AKAP6: variants seen among roughly 807,000 people sequenced by gnomAD.
AKAP6 encodes the protein A-kinase anchoring protein 6.
A neutral mutation model predicts 188.5 loss-of-function variants in AKAP6; 58 were observed. That is an observed-to-expected ratio of 0.31 (90% CI 0.25 to 0.38). The LOEUF (loss-of-function observed/expected upper bound fraction) is 0.38, where lower values mean the gene tolerates loss of function less well. Ranked by LOEUF, AKAP6 falls within the 10% of genes least tolerant of loss-of-function variation. The pLI is 1.00. For missense variants in AKAP6, 2,710 were observed against 2,740.0 expected (o/e 0.99, Z 0.24); for synonymous variants, 989 against 998.6 (o/e 0.99, Z 0.18).
chr14:32,786,532 G>A (rs2033428053), intron 12 of AKAP6, among the ~76,000 whole-genome samples: 1 of 151,500 alleles, frequency 6.6e-6, no homozygotes, highest in South Asian at 2.1e-4. Context: ...TACCGTGTTA[G>A]CCAGGATGGT....
chr14:32,573,337 T>C (rs1208092786), intron 4 of AKAP6, among the ~76,000 whole-genome samples: 1 of 152,174 alleles, frequency 6.6e-6, no homozygotes, highest in African/African-American at 2.4e-5. Flanking sequence ...AATCTGATTT[T>C]TATAGTCCTC....
At chr14:32,811,945 C>T (rs562084531) in intron 12 of AKAP6, among the ~76,000 whole-genome samples, 1 of 152,326 alleles carries the variant, frequency 6.6e-6, no homozygotes, top group South Asian at 2.1e-4. Context: ...GTTTACATGA[C>T]TATTCACCTT....
intron 4 of AKAP6, among the ~76,000 whole-genome samples, chr14:32,563,664 G>A (rs1026773784): frequency 6.6e-6 from 1 of 152,066 alleles, no homozygotes; most frequent in Non-Finnish European, 1.5e-5. Flanking sequence ...TTCGCCCTTC[G>A]TGGGACCTGT....
chr14:32,785,676 A>C (rs1307704494), intron 12 of AKAP6, among the ~76,000 whole-genome samples: 1 of 151,698 alleles, frequency 6.6e-6, no homozygotes, highest in Non-Finnish European at 1.5e-5. Flanking sequence ...TGGAAGTAGT[A>C]TGGGATTTTG....
At chr14:32,650,907 T>C (rs1356835828) in intron 7 of AKAP6, among the ~76,000 whole-genome samples, 1 of 152,214 alleles carries the variant, frequency 6.6e-6, no homozygotes, top group African/African-American at 2.4e-5. Context: ...ATGTAGATTT[T>C]TATAAATGTC....
chr14:32,402,565 G>A (rs576166628), intron 1 of AKAP6, among the ~76,000 whole-genome samples: 3 of 152,050 alleles, frequency 2.0e-5, no homozygotes, highest in Admixed American at 1.3e-4. Context: ...TCTTTTGAGT[G>A]CCTGGAGAAC....
intron 5 of AKAP6, among the ~76,000 whole-genome samples, chr14:32,598,476 G>A (rs1885794269): frequency 6.6e-6 from 1 of 152,062 alleles, no homozygotes; most frequent in Non-Finnish European, 1.5e-5. Context: ...TATTTAAATG[G>A]AAACCTTCCC....
chr14:32,526,139 A>T (rs1882112388), intron 2 of AKAP6, among the ~76,000 whole-genome samples: 1 of 152,068 alleles, frequency 6.6e-6, no homozygotes, highest in South Asian at 2.1e-4. Flanking sequence ...ATCATGGCTC[A>T]CTGTAGCCTT....
intron 5 of AKAP6, among the ~76,000 whole-genome samples, chr14:32,581,926 G>T (rs1441671545): frequency 6.6e-6 from 1 of 152,252 alleles, no homozygotes; most frequent in East Asian, 1.9e-4. Context: ...ACAGCACACG[G>T]ATGGGTCTTG....
At chr14:32,804,404 C>A (rs535533006) in intron 12 of AKAP6, among the ~76,000 whole-genome samples, 1 of 152,082 alleles carries the variant, frequency 6.6e-6, no homozygotes, top group South Asian at 2.1e-4. Context: ...GGTAGGACCA[C>A]GAAGCCCGCC....
At chr14:32,563,976 C>T (rs928880155) in intron 4 of AKAP6, among the ~76,000 whole-genome samples, 1 of 152,102 alleles carries the variant, frequency 6.6e-6, no homozygotes, top group African/African-American at 2.4e-5. Flanking sequence ...TCCTCAGTAT[C>T]CGTGGGGGAT....
chr14:32,688,913 G>T (rs1379836847), intron 8 of AKAP6, among the ~76,000 whole-genome samples: 5 of 152,240 alleles, frequency 3.3e-5, no homozygotes, highest in Non-Finnish European at 7.4e-5. Context: ...ACAGGTTGTT[G>T]ATATATTGCC....
In AKAP6 at chr14:32,647,776, AG is replaced by A. The variant is rs889609204; in HGVS notation, c.2731-30533del. Reference sequence around the variant, plus strand: ...CAGGACTTCATGCCTGTGGGACATTAGGCCAACATAATTCTAGTCTGCCCAA... The same window carrying A: ...CAGGACTTCATGCCTGTGGGACATTAGCCAACATAATTCTAGTCTGCCCAA... On this transcript the variant is annotated intron_variant, in intron 7 of 13. Transcript: ENST00000280979. Among the ~76,000 whole-genome samples, 42 of 152,128 alleles carry A rather than the reference AG, an allele frequency of 2.8e-4. 1 individual carries two copies. The highest frequency in any genetic ancestry group is 4.4e-5 in the Non-Finnish European group (3 of 67,978).
intron 12 of AKAP6, 150 bp downstream of exon 12, chr14:32,774,043 T>A: frequency 1.3e-6 from 1 of 745,848 alleles, no homozygotes; most frequent in Non-Finnish European, 2.3e-6. Flanking sequence ...TTTAACTAAC[T>A]AAAGCTCATA....
chr14:32,593,717 G>A (rs1885577087), intron 5 of AKAP6, among the ~76,000 whole-genome samples: 1 of 152,182 alleles, frequency 6.6e-6, no homozygotes, highest in African/African-American at 2.4e-5. Flanking sequence ...CAAATGCCTG[G>A]ATGATAAATA....
At chr14:32,676,264 T>A (rs1184595422) in intron 7 of AKAP6, among the ~76,000 whole-genome samples, 3 of 152,182 alleles carry the variant, frequency 2.0e-5, no homozygotes, top group Non-Finnish European at 4.4e-5. Context: ...CTCATAAAAA[T>A]TTGTATGTTC....
chr14:32,672,106 C>G (rs1889223839), intron 7 of AKAP6, among the ~76,000 whole-genome samples: 1 of 152,124 alleles, frequency 6.6e-6, no homozygotes, highest in Non-Finnish European at 1.5e-5. Flanking sequence ...GAATTTGGGT[C>G]ACCACATACC....
intron 12 of AKAP6, among the ~76,000 whole-genome samples, chr14:32,798,575 T>C (rs1234775413): frequency 6.6e-6 from 1 of 152,132 alleles, no homozygotes; most frequent in African/African-American, 2.4e-5. Context: ...TTTGCAGCAA[T>C]GTGAATGGAA....
At chr14:32,790,583 A>G (rs932096355) in intron 12 of AKAP6, among the ~76,000 whole-genome samples, 2 of 152,102 alleles carry the variant, frequency 1.3e-5, no homozygotes, top group Admixed American at 1.3e-4. Flanking sequence ...TTCTTAAAGA[A>G]AATAATTTTC....
Sources: gnomAD v4.1 joint callset for allele counts (sites outside exome capture counted in the v4.1 genomes callset) on GRCh38, gnomAD v4.1.1 for gene constraint, MANE v1.5 for transcripts, NCBI Gene and HGNC (gene_info 2026-07-23, HGNC 2026-07-21) for gene names.